Variants in PTK2 observed in about 807,000 individuals in gnomAD.
PTK2 encodes the protein protein tyrosine kinase 2, also known as focal adhesion kinase 1.
Under a neutral mutation model 150.1 loss-of-function variants are expected in PTK2, and 45 were observed. The observed-to-expected ratio is 0.30, with a 90% confidence interval of 0.24 to 0.38. The LOEUF is 0.38. PTK2 is among the 10% of genes least tolerant of loss of function. The pLI is 1.00. For missense variants in PTK2, 919 were observed against 1,307.3 expected, an observed-to-expected ratio of 0.70 and a Z score of 4.58; for synonymous variants, 432 against 449.2, an observed-to-expected ratio of 0.96 and a Z score of 0.48.
intron 2 of PTK2, among the ~76,000 whole-genome samples, chr8:140,916,967 T>A (rs1232723253): frequency 6.6e-6 from 1 of 152,244 alleles, no homozygotes; most frequent in Non-Finnish European, 1.5e-5. Context: ...GAATAACATG[T>A]ATGTTTTTTG....
At chr8:140,844,268 T>C (rs2100124001) in intron 7 of PTK2, among the ~76,000 whole-genome samples, 1 of 152,118 alleles carries the variant, frequency 6.6e-6, no homozygotes, top group Non-Finnish European at 1.5e-5. Context: ...CACTGTAAAA[T>C]TACTTTTTCC....
At chr8:140,852,090 T>G (rs78742393) in intron 5 of PTK2, among the ~76,000 whole-genome samples, 185 of 152,282 alleles carry the variant, frequency 1.2e-3, no homozygotes, top group Non-Finnish European at 2.0e-3. Flanking sequence ...GTTTTGAATA[T>G]CAGGGCATTA....
intron 5 of PTK2, among the ~76,000 whole-genome samples, chr8:140,850,019 T>C (rs939438555): frequency 4.7e-4 from 71 of 152,160 alleles, no homozygotes; most frequent in African/African-American, 1.6e-3. Flanking sequence ...TCCTGAGGTA[T>C]TGGAACACTG....
chr8:140,884,382 G>T (rs1197328475), intron 3 of PTK2, among the ~76,000 whole-genome samples: 1 of 152,060 alleles, frequency 6.6e-6, no homozygotes, highest in East Asian at 1.9e-4. Context: ...TCCTGTAAAG[G>T]AAGAGTTTAA....
intron 14 of PTK2, among the ~76,000 whole-genome samples, chr8:140,781,460 T>C (rs1036395318): frequency 1.3e-5 from 2 of 152,198 alleles, no homozygotes; most frequent in Non-Finnish European, 2.9e-5. Context: ...TATAGTCTTT[T>C]CCCCTTTATA....
At chr8:140,700,774 A>T in intron 26 of PTK2, 117 bp downstream of exon 29, 1 of 1,367,194 alleles carries the variant, frequency 7.3e-7, no homozygotes, top group South Asian at 1.4e-5. Context: ...AAGTTTTAAG[A>T]AGTAGTTGTA....
chr8:140,864,512 C>G (rs1471558999), intron 4 of PTK2, 113 bp from the exon 5 acceptor site: 1 of 521,690 alleles, frequency 1.9e-6, no homozygotes, highest in Non-Finnish European at 3.3e-6. Context: ...AAGATGATTT[C>G]AAATAAAAGC....
intron 12 of PTK2, among the ~76,000 whole-genome samples, chr8:140,797,475 G>C (rs775340484): frequency 5.3e-5 from 8 of 152,172 alleles, no homozygotes; most frequent in Admixed American, 1.3e-4. Context: ...AAATGTAACA[G>C]TTCTATTTTT....
chr8:140,688,897 G>T (rs919664870), intron 26 of PTK2, among the ~76,000 whole-genome samples: 1 of 152,178 alleles, frequency 6.6e-6, no homozygotes, highest in Non-Finnish European at 1.5e-5. Context: ...CCATACAGGG[G>T]AAGTCAAACC....
chr8:140,851,638 C>T (rs1418911149), intron 5 of PTK2, among the ~76,000 whole-genome samples: 1 of 152,116 alleles, frequency 6.6e-6, no homozygotes, highest in Admixed American at 6.6e-5. Context: ...GCAGGTGGAT[C>T]GCTTGAGCTC....
intron 5 of PTK2, among the ~76,000 whole-genome samples, chr8:140,863,986 T>C (rs765369628): frequency 8.5e-5 from 13 of 152,214 alleles, no homozygotes; most frequent in Non-Finnish European, 1.8e-4. Context: ...ATGGGTATAG[T>C]TGGCTCTGCA....
intron 1 of PTK2, among the ~76,000 whole-genome samples, chr8:140,991,600 A>G (rs1453975957): frequency 6.6e-6 from 1 of 152,230 alleles, no homozygotes; most frequent in East Asian, 1.9e-4. Flanking sequence ...CAACATACAC[A>G]TACCTCAAAT....
At chr8:140,683,552 G>GA (rs2100018192) in intron 27 of PTK2, among the ~76,000 whole-genome samples, 1 of 152,036 alleles carries the variant, frequency 6.6e-6, no homozygotes, top group African/African-American at 2.4e-5. Context: ...AACAAAAAAA[G>GA]AAAACTTCAG....
intron 10 of PTK2, among the ~76,000 whole-genome samples, chr8:140,806,954 C>T (rs749266715): frequency 6.6e-6 from 1 of 152,202 alleles, no homozygotes; most frequent in Non-Finnish European, 1.5e-5. Context: ...CCCTTTAGCA[C>T]AATCCCATTA....
intron 13 of PTK2, 145 bp downstream of exon 13, chr8:140,793,209 C>A: frequency 1.1e-6 from 1 of 924,536 alleles, no homozygotes. Flanking sequence ...TTAAAACTGA[C>A]TTGATTTCTT....
rs544741713 is a variant in PTK2 at position 140,810,677 on chromosome 8, C to T, written c.868-7027G>A. On this transcript the variant is annotated intron_variant, in intron 10 of 31. Coordinates refer to ENST00000522684, the Ensembl canonical transcript of PTK2. Reference sequence around the variant, plus strand: ...CGTGCCTCACCAGTGCACATGTGCACGCAACCCCAAAACTCACCCATGCCT... The same window carrying T: ...CGTGCCTCACCAGTGCACATGTGCATGCAACCCCAAAACTCACCCATGCCT... Among the ~76,000 whole-genome samples, 14 of 152,294 alleles carry T rather than the reference C, an allele frequency of 9.2e-5. 1 individual carries two copies. Among genetic ancestry groups the T allele is most frequent in the South Asian group, 8.3e-4 (4 of 4,828 alleles).
chr8:140,667,935 T>C (rs930050115), intron 30 of PTK2, among the ~76,000 whole-genome samples: 1 of 152,216 alleles, frequency 6.6e-6, no homozygotes, highest in African/African-American at 2.4e-5. Flanking sequence ...TTTTTCAAGT[T>C]TACATAAATG....
At chr8:141,000,382 G>A (rs1423284158) in intron 1 of PTK2, among the ~76,000 whole-genome samples, 3 of 152,204 alleles carry the variant, frequency 2.0e-5, no homozygotes, top group African/African-American at 4.8e-5. Flanking sequence ...GGCACCGGCA[G>A]GCCGCTCGGA....
exon 32 of PTK2, chr8:140,659,436 AG>A: frequency 6.4e-7 from 1 of 1,572,676 alleles, no homozygotes; most frequent in Non-Finnish European, 8.7e-7. Context: ...TCTTCAAAAG[AG>A]GGTAGCAAGA....
Sources: allele counts gnomAD v4.1 joint callset (sites outside exome capture counted in the v4.1 genomes callset), GRCh38; gene constraint gnomAD v4.1.1; transcripts MANE v1.5; gene names NCBI Gene and HGNC (gene_info 2026-07-23, HGNC 2026-07-21).